The following PCCA variants were observed in gnomAD, a reference collection of about 807,000 sequenced individuals.
PCCA encodes the protein propionyl-CoA carboxylase alpha chain, mitochondrial.
In PCCA, 74 loss-of-function variants were observed where a neutral mutation model predicts 101.3. The observed-to-expected ratio is 0.73, with a 90% CI of 0.61 to 0.89. PCCA has a LOEUF of 0.89. Among genes scored for constraint, PCCA ranks in the 40% least tolerant of loss-of-function variants. The pLI, the probability that PCCA is intolerant of heterozygous loss-of-function variation, is 0.00. For synonymous variants in PCCA, 294 were observed against 313.6 expected (o/e 0.94, Z 0.66); for missense variants, 891 against 907.0 (o/e 0.98, Z 0.23).
chr13:100,510,261 T>C (rs2086383362), intron 21 of PCCA, among the ~76,000 whole-genome samples: 1 of 152,234 alleles, frequency 6.6e-6, no homozygotes, highest in South Asian at 2.1e-4. Context: ...TCAGCTCTCA[T>C]TCCTTTGCTT....
chr13:100,485,918 C>G (rs969376935), intron 21 of PCCA, among the ~76,000 whole-genome samples: 6 of 152,164 alleles, frequency 3.9e-5, no homozygotes, highest in Non-Finnish European at 2.9e-5. Context: ...AGCTGTGATG[C>G]CTTAGCATCA....
At chr13:100,137,469 C>T (rs1251891469) in intron 4 of PCCA, among the ~76,000 whole-genome samples, 5 of 152,102 alleles carry the variant, frequency 3.3e-5, no homozygotes, top group African/African-American at 1.2e-4. Context: ...GGGTTATTGT[C>T]TGTTTCTCCT....
chr13:100,522,265 C>G (rs1032926051), intron 22 of PCCA, among the ~76,000 whole-genome samples: 1 of 152,188 alleles, frequency 6.6e-6, no homozygotes, highest in East Asian at 1.9e-4. Context: ...ACATTGTGTG[C>G]TCCTGCACGT....
chr13:100,358,568 T>C (rs1375558651), intron 18 of PCCA, among the ~76,000 whole-genome samples: 1 of 152,158 alleles, frequency 6.6e-6, no homozygotes, highest in Non-Finnish European at 1.5e-5. Flanking sequence ...CTGCAATGGA[T>C]AATTTGCTGG....
intron 21 of PCCA, among the ~76,000 whole-genome samples, chr13:100,495,967 TTC>T (rs58145817): frequency 3.4e-4 from 51 of 149,996 alleles, no homozygotes; most frequent in Non-Finnish European, 3.3e-4. Flanking sequence ...ATTCCTCTCT[TTC>T]TCTCTCTCTC....
chr13:100,320,259 G>T (rs1256962389), intron 16 of PCCA, among the ~76,000 whole-genome samples: 1 of 152,194 alleles, frequency 6.6e-6, no homozygotes, highest in African/African-American at 2.4e-5. Flanking sequence ...ATACAATCAT[G>T]TCATCTGCAA....
chr13:100,127,689 G>A (rs1290013770), intron 4 of PCCA, among the ~76,000 whole-genome samples: 2 of 151,866 alleles, frequency 1.3e-5, no homozygotes, highest in African/African-American at 2.4e-5. Context: ...TCAGGAGATC[G>A]AGACCATCCT....
At chr13:100,363,614 C>T (rs959810624) in intron 18 of PCCA, among the ~76,000 whole-genome samples, 1 of 152,124 alleles carries the variant, frequency 6.6e-6, no homozygotes, top group African/African-American at 2.4e-5. Flanking sequence ...ATATTATTCT[C>T]GATCATTTTA....
chr13:100,372,064 G>T (rs868350017), intron 19 of PCCA, among the ~76,000 whole-genome samples: 1 of 152,218 alleles, frequency 6.6e-6, no homozygotes, highest in Admixed American at 6.5e-5. Flanking sequence ...ACAGGGGAAG[G>T]CTGCGCACAG....
chr13:100,511,929 C>T (rs894960454), intron 21 of PCCA, among the ~76,000 whole-genome samples: 14 of 152,266 alleles, frequency 9.2e-5, no homozygotes, highest in African/African-American at 2.6e-4. Context: ...TCTGTGTATC[C>T]GTGAAAGTGG....
intron 18 of PCCA, among the ~76,000 whole-genome samples, chr13:100,368,017 C>T (rs2075321173): frequency 6.6e-6 from 1 of 151,958 alleles, no homozygotes; most frequent in Admixed American, 6.6e-5. Context: ...AGATATTTCT[C>T]TTCTAATTGA....
At chr13:100,261,028 A>G (rs945445232) in intron 9 of PCCA, among the ~76,000 whole-genome samples, 10 of 152,142 alleles carry the variant, frequency 6.6e-5, no homozygotes, top group Non-Finnish European at 1.2e-4. Context: ...TTGCAACTTA[A>G]AGGACTGGAA....
At position 100,368,546 on chromosome 13, in the gene PCCA, T is replaced by C; in HGVS notation, c.1718T>C (p.Val573Ala). ...TTGCATGATAAAGTTCATACCGTAG[T>C]AGCATCAAACAATGGGTCAGTGTTC... Reference protein sequence around the residue: ...VKLHDKVHTVVASNNGSVFSV... With the variant: ...VKLHDKVHTVAASNNGSVFSV... The change falls in exon 19 of 24, where the codon GTA (valine) becomes GCA (alanine). Residue 573 changes from valine (V) to alanine (A), a missense_variant. By Grantham distance (64) the Val-to-Ala change is moderately conservative. Coordinates refer to ENST00000376285, the MANE Select transcript of PCCA (RefSeq NM_000282.4). The C allele has an allele frequency of 6.2e-7, 1 of 1,609,782 alleles. No individual in the cohort carries two copies. The highest frequency in any genetic ancestry group is 1.1e-5 in the South Asian group (1 of 90,950).
intron 21 of PCCA, among the ~76,000 whole-genome samples, chr13:100,504,426 T>C (rs1831502660): frequency 6.6e-6 from 1 of 152,222 alleles, no homozygotes; most frequent in Non-Finnish European, 1.5e-5. Flanking sequence ...GGTGCATGGC[T>C]GTTGTGCATC....
chr13:100,117,544 G>A (rs1399025550), intron 4 of PCCA, among the ~76,000 whole-genome samples: 4 of 151,374 alleles, frequency 2.6e-5, no homozygotes, highest in African/African-American at 9.7e-5. Flanking sequence ...AACACTGCAC[G>A]TTCTCACTCA....
chr13:100,459,497 T>A (rs1390959171), intron 21 of PCCA, among the ~76,000 whole-genome samples: 1 of 152,194 alleles, frequency 6.6e-6, no homozygotes, highest in African/African-American at 2.4e-5. Context: ...TCGTACCCCA[T>A]ACTCAAAAAT....
intron 18 of PCCA, among the ~76,000 whole-genome samples, chr13:100,360,232 G>A (rs1214880519): frequency 6.6e-6 from 1 of 151,408 alleles, no homozygotes; most frequent in Non-Finnish European, 1.5e-5. Flanking sequence ...CATGAGAACA[G>A]CATAGGAAAG....
chr13:100,350,723 C>T (rs1229479776), intron 18 of PCCA, among the ~76,000 whole-genome samples: 2 of 152,158 alleles, frequency 1.3e-5, no homozygotes, highest in Non-Finnish European at 2.9e-5. Flanking sequence ...TCTCTGTTCC[C>T]TACCATGATT....
At chr13:100,115,649 A>G (rs1254053636) in intron 4 of PCCA, among the ~76,000 whole-genome samples, 2 of 152,122 alleles carry the variant, frequency 1.3e-5, no homozygotes, top group Non-Finnish European at 2.9e-5. Context: ...TACATTACCG[A>G]CCAAGCTGTC....
Sources: allele counts gnomAD v4.1 joint callset (sites outside exome capture counted in the v4.1 genomes callset), GRCh38; gene constraint gnomAD v4.1.1; transcripts MANE v1.5; gene names NCBI Gene and HGNC (gene_info 2026-07-23, HGNC 2026-07-21).